NXPH1: variants seen among roughly 807,000 people sequenced by gnomAD.
NXPH1 encodes neurexophilin 1, also known as neurexophilin-1.
In NXPH1, 5 loss-of-function variants were observed where a neutral mutation model predicts 23.7. The ratio of observed to expected loss-of-function variants is 0.21; its 90% CI spans 0.11 to 0.44. The LOEUF (loss-of-function observed/expected upper bound fraction) is 0.44, where lower values mean the gene tolerates loss of function less well. NXPH1 is among the 20% of genes least tolerant of loss of function. The pLI is 0.99. For synonymous variants in NXPH1, 144 were observed against 122.2 expected, an observed-to-expected ratio of 1.18 and a Z score of -1.18; for missense variants, 324 against 321.6, an observed-to-expected ratio of 1.01 and a Z score of -0.06.
intron 2 of NXPH1, among the ~76,000 whole-genome samples, chr7:8,579,312 A>G (rs1057092840): frequency 6.6e-6 from 1 of 152,094 alleles, no homozygotes; most frequent in African/African-American, 2.4e-5. Context: ...TTTGTGGTAG[A>G]GTAAGGAACT....
At chr7:8,498,774 C>A (rs1817381668) in intron 2 of NXPH1, among the ~76,000 whole-genome samples, 1 of 151,952 alleles carries the variant, frequency 6.6e-6, no homozygotes, top group African/African-American at 2.4e-5. Flanking sequence ...TCTAATGTGT[C>A]CTTGTTCCAA....
intron 2 of NXPH1, among the ~76,000 whole-genome samples, chr7:8,499,509 C>G (rs554585162): frequency 1.3e-5 from 2 of 152,194 alleles, no homozygotes; most frequent in East Asian, 1.9e-4. Context: ...TTGGATTCAG[C>G]CTAAGTAGCT....
intron 2 of NXPH1, among the ~76,000 whole-genome samples, chr7:8,659,006 T>TA (rs200623023): frequency 0.013 from 791 of 63,056 alleles, 181 homozygotes; most frequent in African/African-American, 0.029. Context: ...TATATATATA[T>TA]TTTTTTTTTT....
chr7:8,566,470 A>C (rs1350233801), intron 2 of NXPH1, among the ~76,000 whole-genome samples: 1 of 151,764 alleles, frequency 6.6e-6, no homozygotes, highest in African/African-American at 2.4e-5. Context: ...GAGTGGACTA[A>C]GTAGTGAGGA....
At chr7:8,436,238 A>T (rs1302689375) in intron 2 of NXPH1, among the ~76,000 whole-genome samples, 2 of 152,218 alleles carry the variant, frequency 1.3e-5, no homozygotes, top group Non-Finnish European at 2.9e-5. Context: ...CACATAAAGA[A>T]GCGCAGTTAA....
chr7:8,689,338 TACTATC>T (rs1821193445), intron 2 of NXPH1, among the ~76,000 whole-genome samples: 1 of 151,028 alleles, frequency 6.6e-6, no homozygotes, highest in Middle Eastern at 3.2e-3. Flanking sequence ...AAAACCAACT[TACTATC>T]AGTCAGCTCG....
At chr7:8,504,972 C>T (rs1817497302) in intron 2 of NXPH1, among the ~76,000 whole-genome samples, 1 of 152,000 alleles carries the variant, frequency 6.6e-6, no homozygotes, top group South Asian at 2.1e-4. Context: ...GTTGTAGCAG[C>T]CCAAACTTAC....
chr7:8,736,161 C>T (rs1392501382), intron 2 of NXPH1, among the ~76,000 whole-genome samples: 2 of 152,046 alleles, frequency 1.3e-5, no homozygotes, highest in African/African-American at 4.8e-5. Flanking sequence ...TATTTCTTGT[C>T]TTCTGCTAGC....
At chr7:8,712,217 T>C (rs1779809452) in intron 2 of NXPH1, among the ~76,000 whole-genome samples, 1 of 151,784 alleles carries the variant, frequency 6.6e-6, no homozygotes, top group Admixed American at 6.6e-5. Flanking sequence ...GAACTCGGTA[T>C]GTTTAATTTC....
intron 2 of NXPH1, among the ~76,000 whole-genome samples, chr7:8,629,582 T>A (rs1055606170): frequency 6.6e-6 from 1 of 152,156 alleles, no homozygotes; most frequent in Non-Finnish European, 1.5e-5. Context: ...GTTATGTATA[T>A]AAGTCATCGA....
chr7:8,433,752 CT>C lies in NXPH1; in HGVS notation c.-1113del, dbSNP rs1397685340. On this transcript the variant is annotated 5_prime_UTR_variant, in exon 1 of 3. It introduces an in-frame stop codon into an upstream open reading frame of the 5' UTR. Transcript: ENST00000405863. The surrounding 1 kb of genome is among the most constrained non-coding windows in gnomAD (Gnocchi z 6.8). ...GCACCCTCCCGCGCCCTTCCCCGCC[CT>C]ACGCGACTCCCGGCTGCTCTTCCCG... is the stretch of plus-strand genomic sequence containing the variant. Among the ~76,000 whole-genome samples the C allele has an allele frequency of 6.6e-6, 1 of 152,006 alleles. No homozygotes were observed. The highest frequency in any genetic ancestry group is 1.9e-4 in the East Asian group (1 of 5,148).
intron 2 of NXPH1, among the ~76,000 whole-genome samples, chr7:8,553,677 T>G (rs921816563): frequency 3.3e-5 from 5 of 151,594 alleles, no homozygotes; most frequent in Non-Finnish European, 7.4e-5. Flanking sequence ...TGTCTTTTCC[T>G]TACATCTTCC....
Position 8,442,209 on chromosome 7 carries a change from A to G in NXPH1, c.54+6442A>G, listed in dbSNP as rs1442043760. ...AAATACGATGGGGAGGGGGAGACACAGGCCGCATCCAGAGCGCATCGCCTC... is the reference window on the plus strand; with the variant it reads ...AAATACGATGGGGAGGGGGAGACACGGGCCGCATCCAGAGCGCATCGCCTC... On this transcript the variant is annotated intron_variant, in intron 2 of 2. Coordinates refer to ENST00000405863, the MANE Select transcript of NXPH1 (RefSeq NM_152745.3). This position sits in a 1 kb window ranked among gnomAD's most constrained non-coding sequence, Gnocchi z 4.6. 6.6e-6 allele frequency among the ~76,000 whole-genome samples: 1 copy of G among 152,220 alleles called. No homozygotes were observed. The highest frequency in any genetic ancestry group is 2.4e-5 in the African/African-American group (1 of 41,466).
chr7:8,605,207 G>A (rs996878479), intron 2 of NXPH1, among the ~76,000 whole-genome samples: 3 of 152,142 alleles, frequency 2.0e-5, no homozygotes, highest in African/African-American at 4.8e-5. Flanking sequence ...CAGTGTTATA[G>A]GGTAGCTTCT....
chr7:8,738,364 C>T (rs1371087882), intron 2 of NXPH1, among the ~76,000 whole-genome samples: 5 of 152,190 alleles, frequency 3.3e-5, no homozygotes, highest in African/African-American at 1.2e-4. Context: ...AGTTTTCCTT[C>T]TAACAGTTAG....
chr7:8,735,575 C>G (rs940087759), intron 2 of NXPH1, among the ~76,000 whole-genome samples: 1 of 152,146 alleles, frequency 6.6e-6, no homozygotes, highest in African/African-American at 2.4e-5. Context: ...TGATGTTCAT[C>G]AGGGATATTG....
At chr7:8,631,296 A>C (rs1820123187) in intron 2 of NXPH1, among the ~76,000 whole-genome samples, 1 of 152,228 alleles carries the variant, frequency 6.6e-6, no homozygotes, top group East Asian at 1.9e-4. Context: ...TTAAAGACTT[A>C]AATGTAAAAT....
At chr7:8,631,688 G>A (rs1820132766) in intron 2 of NXPH1, among the ~76,000 whole-genome samples, 1 of 152,074 alleles carries the variant, frequency 6.6e-6, no homozygotes, top group Non-Finnish European at 1.5e-5. Flanking sequence ...ACAGTTTTCG[G>A]TCACCACAAT....
In NXPH1 at chr7:8,500,174, A is replaced by G. The variant is rs183610029; in HGVS notation, c.54+64407A>G. Among the ~76,000 whole-genome samples, 141 of 152,214 alleles carry G rather than the reference A, an allele frequency of 9.3e-4. 1 individual carries two copies. The highest frequency in any genetic ancestry group is 3.2e-3 in the African/African-American group (131 of 41,580). ...CTGGATCCCAAAGAGGGCAAAAATG[A>G]CAAGGCTTTTTGGTGTCTGGCATGG... On this transcript the variant is annotated intron_variant, in intron 2 of 2. Coordinates refer to ENST00000405863, the MANE Select transcript of NXPH1 (RefSeq NM_152745.3).
Sources: gnomAD v4.1 joint callset for allele counts (sites outside exome capture counted in the v4.1 genomes callset) on GRCh38, gnomAD v4.1.1 for gene constraint, Gnocchi (gnomAD v3.1) non-coding constraint, MANE v1.5 for transcripts, NCBI Gene and HGNC (gene_info 2026-07-23, HGNC 2026-07-21) for gene names.